Variants in HS6ST2 observed in about 807,000 individuals in gnomAD.
HS6ST2 encodes the protein heparan-sulfate 6-O-sulfotransferase 2.
A neutral mutation model predicts 33.0 loss-of-function variants in HS6ST2; 17 were observed. The ratio of observed to expected loss-of-function variants is 0.52; its 90% CI spans 0.35 to 0.77. The LOEUF is 0.77. Among genes scored for constraint, HS6ST2 ranks in the 30% least tolerant of loss-of-function variants. The pLI, the probability that HS6ST2 is intolerant of heterozygous loss-of-function variation, is 0.01. For synonymous variants in HS6ST2, 248 were observed against 237.1 expected, an observed-to-expected ratio of 1.05 and a Z score of -0.42; for missense variants, 519 against 551.7, an observed-to-expected ratio of 0.94 and a Z score of 0.59.
intron 2 of HS6ST2, among the ~76,000 whole-genome samples, chrX:132,872,234 A>T (rs2066068791): frequency 8.9e-6 from 1 of 112,076 alleles, no homozygotes; most frequent in Admixed American, 9.5e-5. Context: ...GACTCAAGAT[A>T]TCAGTTTAAA....
intron 2 of HS6ST2, among the ~76,000 whole-genome samples, chrX:132,817,181 C>A (rs150292995): frequency 9.0e-6 from 1 of 111,481 alleles, no homozygotes; most frequent in Non-Finnish European, 1.9e-5. Flanking sequence ...CATCTCCCCC[C>A]ACCTTCCCCT....
chrX:132,916,700 C>T lies in HS6ST2; in HGVS notation c.947+40108G>A, dbSNP rs140120237. 5.7e-3 allele frequency among the ~76,000 whole-genome samples: 635 copies of T among 111,783 alleles called. 2 individuals are homozygous for T. The highest frequency in any genetic ancestry group is 0.018 in the African/African-American group (568 of 30,774). ...CTTCCTGCCCCTGAACATCAGACTC[C>T]GGATTCTTCAGCTTTTGGAGTCTGG... On this transcript the variant is annotated intron_variant, in intron 2 of 4. Transcript: ENST00000370833.
intron 2 of HS6ST2, among the ~76,000 whole-genome samples, chrX:132,797,302 G>T (rs2065190944): frequency 1.8e-5 from 2 of 111,533 alleles, no homozygotes; most frequent in South Asian, 7.7e-4. Context: ...CATAGGGTTG[G>T]AAGCTGCAAT....
At chrX:132,648,211 A>T (rs1163162324) in intron 4 of HS6ST2, among the ~76,000 whole-genome samples, 1 of 111,823 alleles carries the variant, frequency 8.9e-6, no homozygotes, top group Non-Finnish European at 1.9e-5. Context: ...TCAGTGCCTG[A>T]AGAAGCTGTC....
At chrX:132,740,141 C>T (rs894839571) in intron 2 of HS6ST2, among the ~76,000 whole-genome samples, 12 of 112,038 alleles carry the variant, frequency 1.1e-4, no homozygotes, top group African/African-American at 3.6e-4. Flanking sequence ...AACCATTTCA[C>T]GAAATCTTCG....
chrX:132,774,358 A>G (rs2064935161), intron 2 of HS6ST2, among the ~76,000 whole-genome samples: 1 of 111,977 alleles, frequency 8.9e-6, no homozygotes, highest in South Asian at 3.8e-4. Context: ...TCTGCTCTCC[A>G]CCCCAAACAT....
At chrX:132,824,011 G>A (rs2065491500) in intron 2 of HS6ST2, among the ~76,000 whole-genome samples, 1 of 110,292 alleles carries the variant, frequency 9.1e-6, no homozygotes, top group Non-Finnish European at 1.9e-5. Context: ...TTAGTTGATG[G>A]AGAAAATTTC....
intron 2 of HS6ST2, among the ~76,000 whole-genome samples, chrX:132,904,179 A>G (rs2066450052): frequency 8.9e-6 from 1 of 112,427 alleles, no homozygotes; most frequent in African/African-American, 3.2e-5. Flanking sequence ...GTAATATCTA[A>G]TTTACCACCT....
intron 2 of HS6ST2, among the ~76,000 whole-genome samples, chrX:132,945,187 G>A (rs898508592): frequency 8.9e-6 from 1 of 111,908 alleles, no homozygotes; most frequent in African/African-American, 3.3e-5. Flanking sequence ...ATCAACAAGT[G>A]GGCAAAGGAT....
intron 4 of HS6ST2, chrX:132,668,295 T>C (rs2063825271): frequency 9.0e-6 from 1 of 111,362 alleles, no homozygotes; most frequent in South Asian, 3.8e-4. Context: ...GTGCTCTTTC[T>C]GGACTGAGTT....
At chrX:132,905,173 G>T (rs1442663936) in intron 2 of HS6ST2, among the ~76,000 whole-genome samples, 3 of 111,567 alleles carry the variant, frequency 2.7e-5, no homozygotes, top group South Asian at 3.7e-4. Flanking sequence ...TCCAACTTGT[G>T]GTTGGTCTTG....
chrX:132,772,742 A>G (rs111213633), intron 2 of HS6ST2, among the ~76,000 whole-genome samples: 15 of 94,370 alleles, frequency 1.6e-4, no homozygotes, highest in African/African-American at 5.4e-4. Context: ...CATTATTAAT[A>G]TAATATATAC....
chrX:132,814,536 C>T (rs911582856), intron 2 of HS6ST2, among the ~76,000 whole-genome samples: 3 of 111,307 alleles, frequency 2.7e-5, no homozygotes, highest in African/African-American at 9.8e-5. Flanking sequence ...TTTTCTTAGA[C>T]ATTGTCTCAC....
At chrX:132,734,379 A>C (rs1169130555) in intron 2 of HS6ST2, among the ~76,000 whole-genome samples, 1 of 110,346 alleles carries the variant, frequency 9.1e-6, no homozygotes, top group East Asian at 2.8e-4. Flanking sequence ...AGAGGGAGAA[A>C]GAAGACCTAG....
chrX:132,855,842 T>G (rs1446117617), intron 2 of HS6ST2, among the ~76,000 whole-genome samples: 2 of 110,144 alleles, frequency 1.8e-5, no homozygotes, highest in African/African-American at 6.6e-5. Flanking sequence ...TAAAAGCATT[T>G]CCTTTCCATG....
intron 2 of HS6ST2, among the ~76,000 whole-genome samples, chrX:132,778,250 TAAAC>T (rs1158611748): frequency 8.9e-6 from 1 of 112,489 alleles, no homozygotes; most frequent in Non-Finnish European, 1.9e-5. Context: ...GTTCTTTAAA[TAAAC>T]AATGGCCTCT....
intron 2 of HS6ST2, among the ~76,000 whole-genome samples, chrX:132,937,521 G>A (rs930933799): frequency 2.7e-5 from 3 of 111,407 alleles, no homozygotes; most frequent in Non-Finnish European, 5.7e-5. Context: ...GAACAGAGTA[G>A]AGAACCCAGA....
At chrX:132,880,824 G>A (rs1247387431) in intron 2 of HS6ST2, among the ~76,000 whole-genome samples, 2 of 97,293 alleles carry the variant, frequency 2.1e-5, no homozygotes, top group East Asian at 7.1e-4. Flanking sequence ...TCCTCTTCCT[G>A]TGTCCAAGTG....
intron 2 of HS6ST2, among the ~76,000 whole-genome samples, chrX:132,836,854 A>C (rs1183200247): frequency 1.8e-5 from 2 of 112,404 alleles, no homozygotes; most frequent in Admixed American, 9.4e-5. Flanking sequence ...ACATAGTTGG[A>C]CATAATTTTT....
Sources: allele counts gnomAD v4.1 joint callset (sites outside exome capture counted in the v4.1 genomes callset), GRCh38; gene constraint gnomAD v4.1.1; transcripts MANE v1.5; gene names NCBI Gene and HGNC (gene_info 2026-07-23, HGNC 2026-07-21).